Variants in GIPC2 observed in about 807,000 individuals in gnomAD.
GIPC2 encodes the protein PDZ domain-containing protein GIPC2.
GIPC2 carries 30 observed loss-of-function variants against 30.6 expected under a neutral mutation model. That is an observed-to-expected ratio of 0.98 (90% CI 0.73 to 1.33). The LOEUF (loss-of-function observed/expected upper bound fraction) is 1.33, where lower values mean the gene tolerates loss of function less well. Among genes scored for constraint, GIPC2 ranks in the 40% most tolerant of loss-of-function variants. GIPC2 has a pLI of 0.00. For synonymous variants in GIPC2, 167 were observed against 150.0 expected (o/e 1.11, Z -0.83); for missense variants, 414 against 390.3 (o/e 1.06, Z -0.51).
At chr1:78,069,011 A>G (rs1661570318) in intron 1 of GIPC2, 20 of 929,154 alleles carry the variant, frequency 2.2e-5, no homozygotes, top group Non-Finnish European at 2.6e-5. Flanking sequence ...TGCCTCCCCT[A>G]GCACCGGGAG....
intron 4 of GIPC2, among the ~76,000 whole-genome samples, chr1:78,123,056 T>G (rs1662712592): frequency 6.6e-6 from 1 of 152,102 alleles, no homozygotes. Flanking sequence ...GGTCAGGAGT[T>G]CGAGACTAGC....
intron 5 of GIPC2, among the ~76,000 whole-genome samples, chr1:78,131,074 C>G (rs1662884956): frequency 6.6e-6 from 1 of 152,142 alleles, no homozygotes; most frequent in Admixed American, 6.5e-5. Flanking sequence ...TGGACTCAAG[C>G]AGTCTCCCTA....
rs1662096250 is a variant in GIPC2 at position 78,094,240 on chromosome 1, A to G, written c.427-712A>G. 2.0e-5 allele frequency among the ~76,000 whole-genome samples: 3 copies of G among 152,230 alleles called. No homozygotes were observed. The South Asian group carries it at 6.2e-4, about 31-fold the overall frequency. ...AAAGCTCAAGCTCTATTCTTATGTG[A>G]TGGGCCTCAATTGAAATGATTCAGT... is the stretch of plus-strand genomic sequence containing the variant. On this transcript the variant is annotated intron_variant, in intron 2 of 5. Coordinates refer to ENST00000370759, the MANE Select transcript of GIPC2 (RefSeq NM_017655.6).
At chr1:78,100,941 TACACACACACACACAC>T (rs71590709) in intron 3 of GIPC2, among the ~76,000 whole-genome samples, 16 of 114,878 alleles carry the variant, frequency 1.4e-4, no homozygotes, top group African/African-American at 4.4e-4. Flanking sequence ...AAAAAAAAAA[TACACACACACACACAC>T]ACACACACAC....
chr1:78,053,132 C>T (rs555566621), intron 1 of GIPC2, among the ~76,000 whole-genome samples: 15 of 152,212 alleles, frequency 9.9e-5, no homozygotes, highest in Admixed American at 2.6e-4. Context: ...GAAGTAAGCC[C>T]GTCAAAATTG....
chr1:78,110,699 T>C (rs964610048), intron 3 of GIPC2, among the ~76,000 whole-genome samples: 2 of 152,212 alleles, frequency 1.3e-5, no homozygotes, highest in African/African-American at 4.8e-5. Flanking sequence ...TGCTGAACTA[T>C]ATAGCCTGGA....
intron 5 of GIPC2, among the ~76,000 whole-genome samples, chr1:78,126,239 A>G (rs989879403): frequency 1.3e-5 from 2 of 152,226 alleles, no homozygotes; most frequent in Non-Finnish European, 2.9e-5. Context: ...TTGGATTTAA[A>G]AAATATACAT....
chr1:78,116,436 A>G (rs1228258547), intron 3 of GIPC2, among the ~76,000 whole-genome samples: 2 of 152,164 alleles, frequency 1.3e-5, no homozygotes, highest in Non-Finnish European at 2.9e-5. Context: ...TACATGTGCC[A>G]TGTTGGTGTG....
At chr1:78,127,241 C>T (rs1264993298) in intron 5 of GIPC2, among the ~76,000 whole-genome samples, 1 of 152,142 alleles carries the variant, frequency 6.6e-6, no homozygotes, top group Non-Finnish European at 1.5e-5. Context: ...TACCAAAAGA[C>T]AAAACAAATT....
At chr1:78,118,014 C>T (rs1403504562) in intron 3 of GIPC2, among the ~76,000 whole-genome samples, 1 of 151,776 alleles carries the variant, frequency 6.6e-6, no homozygotes, top group Non-Finnish European at 1.5e-5. Flanking sequence ...CCTTGACCAC[C>T]TGAGCTCAAG....
At chr1:78,132,647 T>A (rs916332717) in intron 5 of GIPC2, among the ~76,000 whole-genome samples, 1 of 140,756 alleles carries the variant, frequency 7.1e-6, no homozygotes, top group Non-Finnish European at 1.6e-5. Context: ...TGTTTCTTTT[T>A]CCCTCTTATA....
At chr1:78,075,591 T>C (rs1490570596) in intron 1 of GIPC2, among the ~76,000 whole-genome samples, 5 of 152,230 alleles carry the variant, frequency 3.3e-5, no homozygotes, top group African/African-American at 1.2e-4. Context: ...GGCAGGAAGA[T>C]GGTGGTAGAA....
chr1:78,124,881 C>T (rs944055158), intron 4 of GIPC2, among the ~76,000 whole-genome samples: 12 of 152,056 alleles, frequency 7.9e-5, no homozygotes, highest in Non-Finnish European at 1.6e-4. Flanking sequence ...TGGTGGCGCA[C>T]GCCTGTAATC....
chr1:78,095,181 G>T (rs779288466), intron 3 of GIPC2, 49 bp downstream of exon 3: 2 of 1,318,994 alleles, frequency 1.5e-6, no homozygotes, highest in East Asian at 2.3e-5. Context: ...GCTTTCCCTG[G>T]TTTATCTTTC....
At chr1:78,058,863 T>G (rs754696471) in intron 1 of GIPC2, among the ~76,000 whole-genome samples, 22 of 152,230 alleles carry the variant, frequency 1.4e-4, no homozygotes, top group Non-Finnish European at 2.6e-4. Context: ...TCAAAAATGA[T>G]TCATCAGTTA....
intron 1 of GIPC2, 66 bp downstream of exon 1, chr1:78,046,400 T>C (rs568793187): frequency 7.0e-7 from 1 of 1,432,860 alleles, no homozygotes; most frequent in South Asian, 1.2e-5. Flanking sequence ...CGCGTATTTC[T>C]GTGGGCCCAG....
At chr1:78,098,472 C>A (rs1662180188) in intron 3 of GIPC2, among the ~76,000 whole-genome samples, 1 of 152,102 alleles carries the variant, frequency 6.6e-6, no homozygotes, top group Admixed American at 6.5e-5. Context: ...ATTTATCTAT[C>A]TCACAAATTA....
In GIPC2 at chr1:78,046,055, G is replaced by A. The variant is rs1661063351; in HGVS notation, c.-40G>A. 3.6e-6 allele frequency: 5 copies of A among 1,400,314 alleles called. No individual in the cohort carries two copies. The South Asian group carries it at 8.0e-5, about 23-fold the overall frequency. 86.7% of individuals were successfully genotyped at this position (1,400,314 alleles called of 1,614,324 possible). On this transcript the variant is annotated 5_prime_UTR_variant, in exon 1 of 6. Transcript: ENST00000370759. ...GAGGCGCCGGGGGGAGGAGGCGGCG[G>A]ACGGCAGCGCAGGTGGGCCCGCGCT... is the stretch of plus-strand genomic sequence containing the variant.
At chr1:78,061,478 G>A (rs1359689269) in intron 1 of GIPC2, among the ~76,000 whole-genome samples, 1 of 151,852 alleles carries the variant, frequency 6.6e-6, no homozygotes, top group Non-Finnish European at 1.5e-5. Flanking sequence ...GTCAGTGGTA[G>A]AATGGTTTTT....
Sources: gnomAD v4.1 joint callset for allele counts (sites outside exome capture counted in the v4.1 genomes callset) on GRCh38, gnomAD v4.1.1 for gene constraint, MANE v1.5 for transcripts, NCBI Gene and HGNC (gene_info 2026-07-23, HGNC 2026-07-21) for gene names.